TMEM94: variants seen among roughly 807,000 people sequenced by gnomAD.
TMEM94 encodes the protein transmembrane protein 94, also known as ER Mg2+ ATPase.
In TMEM94, 81 loss-of-function variants were observed where a neutral mutation model predicts 158.6. That is an observed-to-expected ratio of 0.51 (90% confidence interval 0.43 to 0.61). The LOEUF is 0.61. TMEM94 is among the 20% of genes least tolerant of loss of function. The probability of loss-of-function intolerance (pLI) is 0.00; values close to 1 mark genes in which losing one functional copy is unlikely to be tolerated. For synonymous variants in TMEM94, 751 were observed against 730.7 expected (o/e 1.03, Z -0.45); for missense variants, 1,435 against 1,762.0 (o/e 0.81, Z 3.32).
intron 10 of TMEM94, 120 bp from the exon 11 acceptor site, chr17:75,490,582 G>A: frequency 1.0e-6 from 1 of 979,672 alleles, no homozygotes; most frequent in South Asian, 1.5e-5. Flanking sequence ...AGAACGGCCT[G>A]GGCCCTTTAC....
At position 75,495,636 on chromosome 17, in the gene TMEM94, C is replaced by T. The variant is rs1212643438; in HGVS notation, c.2937C>T (p.Thr979=). The part of the protein sequence containing the change: ...PLLVPLFTDC[T]PETMCEMIKI... ...TAGTGCCCCTTTTCACCGACTGCAC[C>T]CCAGAGAGTGAGTGCTGTGGCCATG... The change falls in exon 22 of 32, where the codon ACC becomes ACT. Residue 979 remains threonine (T), a synonymous_variant. Coordinates refer to ENST00000314256, the MANE Select transcript of TMEM94 (RefSeq NM_014738.6). This position sits in a 1 kb window ranked among gnomAD's most constrained non-coding sequence, Gnocchi z 5.6. The T allele has an allele frequency of 1.2e-6, 2 of 1,613,334 alleles. No homozygotes were observed. Among genetic ancestry groups the T allele is most frequent in the African/African-American group, 2.7e-5 (2 of 75,036 alleles).
chr17:75,482,520 ATATATATG>A (rs1350957122), intron 2 of TMEM94, among the ~76,000 whole-genome samples: 1,502 of 111,058 alleles, frequency 0.014, 12 homozygotes, highest in African/African-American at 0.04. Flanking sequence ...TTAAAAATAT[ATATATATG>A]TATGTATGTA....
intron 2 of TMEM94, among the ~76,000 whole-genome samples, chr17:75,480,479 C>T (rs2051073576): frequency 6.6e-6 from 1 of 152,214 alleles, no homozygotes; most frequent in South Asian, 2.1e-4. Context: ...GAGCAGAGCG[C>T]AGCTTCAAGG....
intron 2 of TMEM94, among the ~76,000 whole-genome samples, chr17:75,481,834 C>T (rs764924615): frequency 7.2e-5 from 11 of 152,222 alleles, no homozygotes; most frequent in Non-Finnish European, 1.3e-4. Context: ...CAGAGGGAAG[C>T]TCACATGGAT....
Position 75,489,537 on chromosome 17 carries a change from G to C in TMEM94, c.868-39G>C, listed in dbSNP as rs2051948378. 1 of 1,585,452 alleles carries C rather than the reference G, an allele frequency of 6.3e-7. No individual in the cohort carries two copies. Among genetic ancestry groups the C allele is most frequent in the Non-Finnish European group, 8.7e-7 (1 of 1,154,094 alleles). On this transcript the variant is annotated intron_variant, in intron 8 of 31. Transcript: ENST00000314256. This position sits in a 1 kb window ranked among gnomAD's most constrained non-coding sequence, Gnocchi z 5.0. ...ACGGCAGTGCCTGGGTCCCTCTAGA[G>C]GGGCGGGGTCAAGGCTGTGCCTCTG...
chr17:75,499,499 G>A lies in TMEM94; in HGVS notation c.*165G>A. 1 of 665,798 alleles carries A rather than the reference G, an allele frequency of 1.5e-6. No homozygotes were observed. Among genetic ancestry groups the A allele is most frequent in the Non-Finnish European group, 2.6e-6 (1 of 388,472 alleles). The allele number at this position is 665,798 out of a possible 1,614,324, so 41.2% of individuals were successfully genotyped here. On this transcript the variant is annotated 3_prime_UTR_variant, in exon 32 of 32. Coordinates refer to ENST00000314256, the MANE Select transcript of TMEM94 (RefSeq NM_014738.6). ...AGACCCCGCTGTCTTCCTGAGCCCT[G>A]GGGCTCACTGTGGAGGAGCTGACGG...
rs1158072300 is a variant in TMEM94, at chr17:75,495,469, AG to A, written c.2844+72del. On this transcript the variant is annotated intron_variant, in intron 21 of 31. Transcript: ENST00000314256. The surrounding 1 kb of genome is among the most constrained non-coding windows in gnomAD (Gnocchi z 5.6). The stretch of plus-strand genomic sequence containing the variant: ...TAGCTGGTCCAGGGGAGAGGTAGAG[AG>A]GTGGTGGGCAGGCGGTGGAGGGGAG... 1 of 1,588,828 alleles carries A rather than the reference AG, an allele frequency of 6.3e-7. No individual in the cohort carries two copies. The highest frequency in any genetic ancestry group is 1.3e-5 in the African/African-American group (1 of 74,272).
rs769461383 is a variant in TMEM94 at position 75,499,250 on chromosome 17, C to T, written c.3999-12C>T. The T allele has an allele frequency of 1.1e-5, 17 of 1,613,438 alleles. No homozygotes were observed. ...CTTTGCCAACCTGTACTTTAATCTC[C>T]TGCCCCACCAGGGTCCGAGTCCGCT... On this transcript the variant is annotated splice_polypyrimidine_tract_variant and intron_variant, in intron 31 of 31. Coordinates refer to ENST00000314256, the MANE Select transcript of TMEM94 (RefSeq NM_014738.6).
chr17:75,463,417 C>A (rs1218590560), intron 1 of TMEM94, among the ~76,000 whole-genome samples: 1 of 151,744 alleles, frequency 6.6e-6, no homozygotes, highest in Non-Finnish European at 1.5e-5. Context: ...CTTAGTTTCT[C>A]CAACCTGGTT....
rs1338567479 is a variant in TMEM94 at position 75,498,344 on chromosome 17, T to C, written c.3638+21T>C. On this transcript the variant is annotated intron_variant, in intron 28 of 31. Transcript: ENST00000314256. The surrounding 1 kb of genome is among the most constrained non-coding windows in gnomAD (Gnocchi z 6.7). Reference sequence around the variant, plus strand: ...CCCAGGTGGGTCCCAGCCCCAGAGATCCACCCATCGCCTGCCTCGCCTCGA... The same window carrying C: ...CCCAGGTGGGTCCCAGCCCCAGAGACCCACCCATCGCCTGCCTCGCCTCGA... The C allele has an allele frequency of 6.2e-7, 1 of 1,612,660 alleles. No homozygotes were observed. Among genetic ancestry groups the C allele is most frequent in the African/African-American group, 1.3e-5 (1 of 74,874 alleles).
Position 75,497,129 on chromosome 17 carries a change from T to C in TMEM94, c.3338T>C (p.Val1113Ala), listed in dbSNP as rs752901599. 9 of 1,614,022 alleles carry C rather than the reference T, an allele frequency of 5.6e-6. No homozygotes were observed. The African/African-American group carries it at 1.2e-4, about 22-fold the overall frequency. Residue 1113 changes from valine to alanine, a missense_variant, in exon 26 of 32, where the codon GTC becomes GCC. Val to Ala is a moderately conservative substitution (Grantham distance 64). Transcript: ENST00000314256. ...LVVIQFLSCL[V>A]QLPPLLSTTD... is the part of the protein sequence containing the mutation. ...CTGGTCTAGTTCCTTTCTTGCCTGGTCCAGCTGCCGCCACTCCTGAGTACC... is the reference window on the plus strand; with the variant it reads ...CTGGTCTAGTTCCTTTCTTGCCTGGCCCAGCTGCCGCCACTCCTGAGTACC...
intron 2 of TMEM94, among the ~76,000 whole-genome samples, chr17:75,476,288 G>T (rs1425892946): frequency 2.0e-5 from 3 of 152,154 alleles, no homozygotes; most frequent in African/African-American, 4.8e-5. Flanking sequence ...TATCCTGGCT[G>T]CATGGTGCCC....
Position 75,489,716 on chromosome 17 carries a change from C to T in TMEM94, c.954+54C>T, listed in dbSNP as rs2051972145. 1 of 1,462,192 alleles carries T rather than the reference C, an allele frequency of 6.8e-7. No individual in the cohort carries two copies. 90.6% of individuals were successfully genotyped at this position (1,462,192 alleles called of 1,614,324 possible). ...GCTTCCCTCCGACCCGCAGGGCTGG[C>T]TCTTCTCCTAGTACCCTGGCTGTCC... On this transcript the variant is annotated intron_variant, in intron 9 of 31. Coordinates refer to ENST00000314256, the MANE Select transcript of TMEM94 (RefSeq NM_014738.6). The surrounding 1 kb of genome is among the most constrained non-coding windows in gnomAD (Gnocchi z 5.0).
At chr17:75,482,617 C>T (rs547649586) in intron 2 of TMEM94, among the ~76,000 whole-genome samples, 6 of 152,176 alleles carry the variant, frequency 3.9e-5, no homozygotes, top group South Asian at 2.1e-4. Flanking sequence ...TCAGTAGGTC[C>T]GGAGTGGAGC....
intron 23 of TMEM94, 53 bp downstream of exon 23, chr17:75,496,127 G>A: frequency 2.0e-6 from 3 of 1,530,258 alleles, no homozygotes; most frequent in Non-Finnish European, 2.7e-6. Context: ...CCAGACCGGA[G>A]GATCAGATGG....
At chr17:75,486,212 G>T in intron 4 of TMEM94, 78 bp from the exon 5 acceptor site, 1 of 1,586,048 alleles carries the variant, frequency 6.3e-7, no homozygotes. Context: ...GGGGTGGGAA[G>T]GGGAGCTGTG....
chr17:75,490,741 G>A lies in TMEM94; in HGVS notation c.1111G>A (p.Glu371Lys). Reference sequence around the variant, plus strand: ...AGAGGATACTCTCAGCAGCTATACGGAGGCTGTCTCCTCTCAGGTACAACA... The same window carrying A: ...AGAGGATACTCTCAGCAGCTATACGAAGGCTGTCTCCTCTCAGGTACAACA... Reference protein sequence around the residue: ...FSEDTLSSYTEAVSSQEMLRC... With the variant: ...FSEDTLSSYTKAVSSQEMLRC... Residue 371 changes from glutamate to lysine, a missense_variant, in exon 11 of 32, where the codon GAG becomes AAG. Coordinates refer to ENST00000314256, the MANE Select transcript of TMEM94 (RefSeq NM_014738.6). 1 of 1,614,126 alleles carries A rather than the reference G, an allele frequency of 6.2e-7. No homozygotes were observed. The highest frequency in any genetic ancestry group is 8.5e-7 in the Non-Finnish European group (1 of 1,179,964).
intron 4 of TMEM94, 90 bp from the exon 5 acceptor site, chr17:75,486,199 AC>A: frequency 6.4e-7 from 1 of 1,562,336 alleles, no homozygotes; most frequent in Non-Finnish European, 8.7e-7. Flanking sequence ...TCCACAAGGG[AC>A]TGGGGTGGGA....
intron 2 of TMEM94, among the ~76,000 whole-genome samples, chr17:75,480,150 C>T (rs1407082138): frequency 6.6e-6 from 1 of 151,722 alleles, no homozygotes; most frequent in Non-Finnish European, 1.5e-5. Flanking sequence ...CCCTTAATTT[C>T]GACCCCCTGC....
Sources: gnomAD v4.1 joint callset for allele counts (sites outside exome capture counted in the v4.1 genomes callset) on GRCh38, gnomAD v4.1.1 for gene constraint, Gnocchi (gnomAD v3.1) non-coding constraint, MANE v1.5 for transcripts, NCBI Gene and HGNC (gene_info 2026-07-23, HGNC 2026-07-21) for gene names.